Variants in ASTN2 observed in about 807,000 individuals in gnomAD.
The protein encoded by ASTN2 is astrotactin-2.
In ASTN2, 54 loss-of-function variants were observed where a neutral mutation model predicts 139.8. The observed-to-expected ratio is 0.39, with a 90% CI of 0.31 to 0.48. The LOEUF is 0.48. Ranked by LOEUF, ASTN2 falls within the 20% of genes least tolerant of loss-of-function variation. The probability of loss-of-function intolerance (pLI) is 0.95; values close to 1 mark genes in which losing one functional copy is unlikely to be tolerated. For synonymous variants in ASTN2, 756 were observed against 719.5 expected, an observed-to-expected ratio of 1.05 and a Z score of -0.81; for missense variants, 1,565 against 1,725.1, an observed-to-expected ratio of 0.91 and a Z score of 1.64.
rs200260864 is a variant in ASTN2, at chr9:116,549,258, G to GA, written c.3356-61759dup. Among the ~76,000 whole-genome samples, 1,277 of 128,206 alleles carry GA rather than the reference G, an allele frequency of 1.0e-2. 6 individuals are homozygous for GA. Among genetic ancestry groups the GA allele is most frequent in the Middle Eastern group, 0.02 (5 of 256 alleles). 84.1% of individuals were successfully genotyped at this position (128,206 alleles called of 152,430 possible). On this transcript the variant is annotated intron_variant, in intron 19 of 22. Coordinates refer to ENST00000313400, the MANE Select transcript of ASTN2 (RefSeq NM_001365068.1). The stretch of plus-strand genomic sequence containing the variant: ...ATGCAAAAAAGGGCAAATAAAAAAT[G>GA]AAAAAAAAAAAACAGAAGGAAGTAA...
chr9:117,316,326 C>T (rs189384972), intron 1 of ASTN2, among the ~76,000 whole-genome samples: 3 of 152,186 alleles, frequency 2.0e-5, no homozygotes, highest in African/African-American at 7.2e-5. Context: ...ATCTCACTTG[C>T]AGGACAGTGT....
intron 1 of ASTN2, among the ~76,000 whole-genome samples, chr9:117,372,511 A>G (rs746096969): frequency 5.3e-5 from 8 of 152,176 alleles, no homozygotes; most frequent in Non-Finnish European, 1.0e-4. Context: ...TTAGCTATGT[A>G]TATTTAGGTA....
intron 20 of ASTN2, among the ~76,000 whole-genome samples, chr9:116,446,272 T>TAGAGAGAGTGAGAGAGAGAG (rs1847991003): frequency 8.4e-6 from 1 of 119,036 alleles, no homozygotes; most frequent in Non-Finnish European, 1.7e-5. Context: ...GAGAGAGAGA[T>TAGAGAGAGTGAGAGAGAGAG]AGAGAGAGAG....
At chr9:116,683,400 C>G (rs577313254) in intron 16 of ASTN2, among the ~76,000 whole-genome samples, 2 of 152,090 alleles carry the variant, frequency 1.3e-5, no homozygotes, top group African/African-American at 4.8e-5. Context: ...GTGTTGTATG[C>G]CACAGAAGTA....
At chr9:117,091,666 G>C (rs1254896552) in intron 5 of ASTN2, among the ~76,000 whole-genome samples, 1 of 152,102 alleles carries the variant, frequency 6.6e-6, no homozygotes, top group Non-Finnish European at 1.5e-5. Context: ...GGAGTGCTGG[G>C]GAAGAGGCCC....
At chr9:116,977,662 C>A (rs114413510) in intron 7 of ASTN2, among the ~76,000 whole-genome samples, 1 of 151,942 alleles carries the variant, frequency 6.6e-6, no homozygotes. Flanking sequence ...GTCCTACTCC[C>A]AGCTGTTGTC....
chr9:117,270,096 T>C (rs1343989282), intron 2 of ASTN2, among the ~76,000 whole-genome samples: 9 of 152,212 alleles, frequency 5.9e-5, no homozygotes, highest in Non-Finnish European at 1.0e-4. Flanking sequence ...AGTGTCACAT[T>C]ACTAGCTGTG....
At chr9:116,630,002 T>C (rs747772026) in intron 17 of ASTN2, among the ~76,000 whole-genome samples, 1 of 152,158 alleles carries the variant, frequency 6.6e-6, no homozygotes, top group Non-Finnish European at 1.5e-5. Context: ...TCAGCTCCCA[T>C]CTATCTCACA....
At chr9:116,642,749 G>A (rs967436272) in intron 17 of ASTN2, among the ~76,000 whole-genome samples, 4 of 152,066 alleles carry the variant, frequency 2.6e-5, no homozygotes, top group Non-Finnish European at 2.9e-5. Flanking sequence ...CCTGGTCCCC[G>A]CAATTCATCT....
At chr9:116,771,938 A>G (rs1010878262) in intron 13 of ASTN2, among the ~76,000 whole-genome samples, 26 of 152,372 alleles carry the variant, frequency 1.7e-4, no homozygotes, top group African/African-American at 6.3e-4. Flanking sequence ...CCAACATTCC[A>G]CTACTACTCA....
At chr9:117,247,940 G>A (rs1833430225) in intron 2 of ASTN2, among the ~76,000 whole-genome samples, 1 of 152,184 alleles carries the variant, frequency 6.6e-6, no homozygotes, top group African/African-American at 2.4e-5. Context: ...TTAACACGCT[G>A]TGTCTCATTA....
intron 22 of ASTN2, among the ~76,000 whole-genome samples, chr9:116,430,556 C>T (rs574597243): frequency 6.6e-6 from 1 of 152,306 alleles, no homozygotes; most frequent in African/African-American, 2.4e-5. Context: ...AGAATATTAT[C>T]GTGAAAAGCA....
At chr9:116,601,320 A>G (rs539527716) in intron 19 of ASTN2, among the ~76,000 whole-genome samples, 3 of 152,344 alleles carry the variant, frequency 2.0e-5, no homozygotes, top group African/African-American at 7.2e-5. Context: ...AAGTTCTTAA[A>G]AGGTTTAAAT....
intron 3 of ASTN2, among the ~76,000 whole-genome samples, chr9:117,156,837 T>C (rs940669531): frequency 1.1e-4 from 16 of 152,024 alleles, no homozygotes; most frequent in African/African-American, 3.9e-4. Flanking sequence ...GCAGTAACTG[T>C]GGTTTAGTAG....
chr9:117,011,040 C>T (rs1837515191), intron 6 of ASTN2, among the ~76,000 whole-genome samples: 1 of 152,178 alleles, frequency 6.6e-6, no homozygotes. Flanking sequence ...TAGGTGCTGA[C>T]TGGAAACCTG....
intron 16 of ASTN2, among the ~76,000 whole-genome samples, chr9:116,664,437 G>A (rs2131968214): frequency 6.8e-6 from 1 of 147,922 alleles, no homozygotes; most frequent in East Asian, 2.0e-4. Flanking sequence ...ATATATATAT[G>A]TATATGTATA....
At chr9:116,851,897 G>C (rs1383822225) in intron 11 of ASTN2, among the ~76,000 whole-genome samples, 1 of 152,082 alleles carries the variant, frequency 6.6e-6, no homozygotes, top group Non-Finnish European at 1.5e-5. Context: ...TCCCCCTCTG[G>C]AACCAAGTAC....
intron 5 of ASTN2, among the ~76,000 whole-genome samples, chr9:117,063,726 T>C (rs1587921338): frequency 6.6e-6 from 1 of 152,282 alleles, no homozygotes; most frequent in East Asian, 1.9e-4. Context: ...ACACTGCCCT[T>C]GAGCATATGT....
chr9:116,479,885 CA>C (rs1370551041), intron 20 of ASTN2, among the ~76,000 whole-genome samples: 7 of 152,192 alleles, frequency 4.6e-5, no homozygotes, highest in African/African-American at 1.7e-4. Flanking sequence ...TGGCAATTTT[CA>C]GTTCAGGCAG....
Sources: gnomAD v4.1 joint callset for allele counts (sites outside exome capture counted in the v4.1 genomes callset) on GRCh38, gnomAD v4.1.1 for gene constraint, MANE v1.5 for transcripts, NCBI Gene and HGNC (gene_info 2026-07-23, HGNC 2026-07-21) for gene names.